Variants in FAM120A observed in about 807,000 individuals in gnomAD.
The protein encoded by FAM120A is constitutive coactivator of PPAR-gamma-like protein 1.
A neutral mutation model predicts 109.7 loss-of-function variants in FAM120A; 15 were observed. The observed-to-expected ratio is 0.14, with a 90% CI of 0.09 to 0.21. The LOEUF is 0.21. Among genes scored for constraint, FAM120A ranks in the 10% least tolerant of loss-of-function variants. The pLI is 1.00. For missense variants in FAM120A, 899 were observed against 1,439.3 expected, an observed-to-expected ratio of 0.62 and a Z score of 6.07; for synonymous variants, 493 against 572.8, an observed-to-expected ratio of 0.86 and a Z score of 1.99.
chr9:93,543,654 T>G (rs1276323053), intron 11 of FAM120A, among the ~76,000 whole-genome samples, 183 bp downstream of exon 11: 1 of 152,264 alleles, frequency 6.6e-6, no homozygotes, highest in Non-Finnish European at 1.5e-5. Flanking sequence ...CAAAATATAT[T>G]TTAATTTATA....
chr9:93,514,348 G>T (rs893073827), intron 5 of FAM120A, among the ~76,000 whole-genome samples: 2 of 152,196 alleles, frequency 1.3e-5, no homozygotes, highest in African/African-American at 4.8e-5. Flanking sequence ...GGGATGTGCA[G>T]CCTAACCATA....
intron 16 of FAM120A, among the ~76,000 whole-genome samples, chr9:93,561,836 ATTAG>A (rs1862480106): frequency 6.6e-6 from 1 of 152,242 alleles, no homozygotes; most frequent in African/African-American, 2.4e-5. Flanking sequence ...TTTTTAAAGT[ATTAG>A]TTTTCAAATC....
intron 1 of FAM120A, among the ~76,000 whole-genome samples, chr9:93,456,677 AT>A: frequency 6.6e-6 from 1 of 152,284 alleles, no homozygotes; most frequent in South Asian, 2.1e-4. Context: ...GGGACAAGTC[AT>A]TAGTAACCTC....
At chr9:93,473,758 A>T (rs1858420466) in intron 2 of FAM120A, among the ~76,000 whole-genome samples, 1 of 152,160 alleles carries the variant, frequency 6.6e-6, no homozygotes, top group South Asian at 2.1e-4. Context: ...GCCTTTGGGG[A>T]TTTGGGGATT....
intron 10 of FAM120A, among the ~76,000 whole-genome samples, chr9:93,537,378 G>T (rs1004597093): frequency 2.0e-5 from 3 of 152,138 alleles, no homozygotes; most frequent in Non-Finnish European, 4.4e-5. Flanking sequence ...ATTGAAGAGC[G>T]CAAAGTTCAG....
intron 11 of FAM120A, among the ~76,000 whole-genome samples, chr9:93,548,304 G>T (rs1019772208): frequency 6.6e-6 from 1 of 152,038 alleles, no homozygotes; most frequent in African/African-American, 2.4e-5. Context: ...TAGAGACGGG[G>T]TTTCACCATG....
chr9:93,491,882 T>C (rs1260799782), intron 3 of FAM120A, among the ~76,000 whole-genome samples: 1 of 152,064 alleles, frequency 6.6e-6, no homozygotes, highest in Non-Finnish European at 1.5e-5. Context: ...GAGGAGGAAA[T>C]AAATGGGACA....
chr9:93,467,221 G>T (rs1858067907), intron 1 of FAM120A, among the ~76,000 whole-genome samples: 3 of 126,100 alleles, frequency 2.4e-5, no homozygotes, highest in Admixed American at 9.3e-5. Context: ...AGTTTTTTGT[G>T]ATTTTCTTTG....
At chr9:93,469,712 T>C (rs1858223252) in intron 1 of FAM120A, among the ~76,000 whole-genome samples, 1 of 152,352 alleles carries the variant, frequency 6.6e-6, no homozygotes, top group African/African-American at 2.4e-5. Context: ...TAGAATGTTA[T>C]TTGACTGATT....
intron 5 of FAM120A, among the ~76,000 whole-genome samples, chr9:93,506,986 C>T (rs1270088432): frequency 1.3e-5 from 2 of 152,172 alleles, no homozygotes; most frequent in East Asian, 1.9e-4. Context: ...GTCTTGTCAT[C>T]TTAACCCTTA....
At chr9:93,478,915 C>T (rs913127441) in intron 3 of FAM120A, among the ~76,000 whole-genome samples, 11 of 152,098 alleles carry the variant, frequency 7.2e-5, no homozygotes, top group South Asian at 2.1e-4. Flanking sequence ...TGTATGTATC[C>T]CACCTGCTAT....
intron 11 of FAM120A, among the ~76,000 whole-genome samples, chr9:93,547,739 G>C (rs1861940472): frequency 6.6e-6 from 1 of 152,196 alleles, no homozygotes; most frequent in Non-Finnish European, 1.5e-5. Flanking sequence ...AAAGGGATCT[G>C]AAAACATTCT....
In FAM120A at chr9:93,559,203, T is replaced by C. The variant is rs964494558; in HGVS notation, c.2806+485T>C. On this transcript the variant is annotated intron_variant, in intron 15 of 17. Coordinates refer to ENST00000277165, the MANE Select transcript of FAM120A (RefSeq NM_014612.5). ...TATAAACAAGGCAGTTTACTGTAGA[T>C]TCCCAGTGCTTCTCTTTGCATTTGT... is the stretch of plus-strand genomic sequence containing the variant. Among the ~76,000 whole-genome samples the C allele has an allele frequency of 1.8e-4, 27 of 152,228 alleles. 1 individual carries two copies. The highest frequency in any genetic ancestry group is 2.9e-5 in the Non-Finnish European group (2 of 68,028).
chr9:93,509,141 G>A (rs1404364995), intron 5 of FAM120A, among the ~76,000 whole-genome samples: 1 of 152,264 alleles, frequency 6.6e-6, no homozygotes, highest in Non-Finnish European at 1.5e-5. Flanking sequence ...GATAGAGGCA[G>A]GTCCTCTAGG....
chr9:93,488,969 T>C (rs1006260778), intron 3 of FAM120A, among the ~76,000 whole-genome samples: 2 of 151,202 alleles, frequency 1.3e-5, no homozygotes, highest in African/African-American at 2.4e-5. Flanking sequence ...TCAGTGACTC[T>C]CTTCATCTGT....
intron 11 of FAM120A, among the ~76,000 whole-genome samples, chr9:93,548,387 A>G (rs979642815): frequency 1.3e-5 from 2 of 151,980 alleles, no homozygotes; most frequent in African/African-American, 2.4e-5. Context: ...TGGGATTACA[A>G]CATTTTAAAA....
chr9:93,535,700 A>G (rs1409220911), intron 10 of FAM120A, among the ~76,000 whole-genome samples: 2 of 152,248 alleles, frequency 1.3e-5, no homozygotes, highest in African/African-American at 2.4e-5. Context: ...AAACAAGCCT[A>G]TAAAAAAGTT....
At chr9:93,467,525 C>CT (rs1013086981) in intron 1 of FAM120A, among the ~76,000 whole-genome samples, 2 of 151,998 alleles carry the variant, frequency 1.3e-5, no homozygotes, top group African/African-American at 4.8e-5. Context: ...GATTTCCCTC[C>CT]CCCCGACCCT....
At chr9:93,467,256 C>T (rs899374388) in intron 1 of FAM120A, among the ~76,000 whole-genome samples, 3 of 113,570 alleles carry the variant, frequency 2.6e-5, no homozygotes, top group Admixed American at 8.3e-5. Context: ...ACCCCCCCCC[C>T]CCTTTTCCCC....
Sources: gnomAD v4.1 joint callset for allele counts (sites outside exome capture counted in the v4.1 genomes callset) on GRCh38, gnomAD v4.1.1 for gene constraint, MANE v1.5 for transcripts, NCBI Gene and HGNC (gene_info 2026-07-23, HGNC 2026-07-21) for gene names.